EXOC6B: variants seen among roughly 807,000 people sequenced by gnomAD.
The protein encoded by EXOC6B is SEC15 homolog B.
In EXOC6B, 54 loss-of-function variants were observed where a neutral mutation model predicts 113.5. The ratio of observed to expected loss-of-function variants is 0.48; its 90% confidence interval spans 0.38 to 0.60. The LOEUF (loss-of-function observed/expected upper bound fraction) is 0.60. Ranked by LOEUF, EXOC6B falls within the 20% of genes least tolerant of loss-of-function variation. The pLI, the probability that EXOC6B is intolerant of heterozygous loss-of-function variation, is 0.00. For synonymous variants in EXOC6B, 357 were observed against 339.0 expected (o/e 1.05, Z -0.58); for missense variants, 797 against 977.5 (o/e 0.82, Z 2.46).
At chr2:72,541,606 T>C (rs1357438416) in intron 8 of EXOC6B, among the ~76,000 whole-genome samples, 1 of 152,232 alleles carries the variant, frequency 6.6e-6, no homozygotes, top group Non-Finnish European at 1.5e-5. Context: ...TTTTCTTGCT[T>C]ATCTGTGGAT....
rs949212851 is a variant in EXOC6B, at chr2:72,432,181, C to A, written c.1980+32979G>T. Among the ~76,000 whole-genome samples, 3 of 152,056 alleles carry A rather than the reference C, an allele frequency of 2.0e-5. No individual in the cohort carries two copies. The South Asian group carries it at 6.2e-4, about 32-fold the overall frequency. ...CCTCCCAAGTAGCTGGGACTACAGG[C>A]ACACACCACCATATCTGGCTAATTT... On this transcript the variant is annotated intron_variant, in intron 18 of 21. Transcript: ENST00000272427.
At position 72,400,746 on chromosome 2, in the gene EXOC6B, T is replaced by C. The variant is rs988303216; in HGVS notation, c.1981-20876A>G. ...AAATTAAAACCACGATGACATACCATCTTATACCAGTCAAAATAACTATTA... is the reference window on the plus strand; with the variant it reads ...AAATTAAAACCACGATGACATACCACCTTATACCAGTCAAAATAACTATTA... On this transcript the variant is annotated intron_variant, in intron 18 of 21. Coordinates refer to ENST00000272427, the MANE Select transcript of EXOC6B (RefSeq NM_015189.3). Among the ~76,000 whole-genome samples the C allele has an allele frequency of 3.3e-5, 5 of 149,954 alleles. No homozygotes were observed. The East Asian group carries it at 7.7e-4, about 23-fold the overall frequency.
At chr2:72,435,721 T>G (rs1236529486) in intron 18 of EXOC6B, among the ~76,000 whole-genome samples, 2 of 145,442 alleles carry the variant, frequency 1.4e-5, no homozygotes, top group African/African-American at 2.7e-5. Flanking sequence ...CTGCTTTTTT[T>G]TTGTTTTTTT....
intron 18 of EXOC6B, among the ~76,000 whole-genome samples, chr2:72,399,217 T>C (rs1413148863): frequency 6.6e-6 from 1 of 151,994 alleles, no homozygotes; most frequent in Admixed American, 6.6e-5. Flanking sequence ...CCCTTCATGA[T>C]AAAAAACATT....
chr2:72,294,503 C>A (rs553526658), intron 20 of EXOC6B, among the ~76,000 whole-genome samples: 1 of 151,954 alleles, frequency 6.6e-6, no homozygotes, highest in African/African-American at 2.4e-5. Context: ...GCCCAGGCTG[C>A]GTTTTATTTT....
intron 7 of EXOC6B, 49 bp downstream of exon 7, chr2:72,575,443 T>G: frequency 6.5e-7 from 1 of 1,545,116 alleles, no homozygotes; most frequent in African/African-American, 1.4e-5. Context: ...TCAACCATAC[T>G]ATTTAAGCTT....
intron 6 of EXOC6B, among the ~76,000 whole-genome samples, chr2:72,644,062 G>A (rs905730754): frequency 2.6e-5 from 4 of 152,066 alleles, no homozygotes; most frequent in Admixed American, 6.5e-5. Context: ...AAGGTTAGAC[G>A]AATGGCTAAC....
rs1267766375 is a variant in EXOC6B at position 72,559,500 on chromosome 2, C to T, written c.868G>A (p.Val290Met). ...DEEVPGAQDL[V>M]DFSPVYRCLH... ...CATCGATAAACTGGAGAGAAATCCACCAAATCTTGGGCCCCAGGTACCTGC... is the reference window on the plus strand; with the variant it reads ...CATCGATAAACTGGAGAGAAATCCATCAAATCTTGGGCCCCAGGTACCTGC... The change falls in exon 8 of 22, where the codon GTG (valine) becomes ATG (methionine). Residue 290 changes from valine to methionine, a missense_variant. Physicochemically the swap from Val to Met is conservative, Grantham distance 21 (BLOSUM62 1). Coordinates refer to ENST00000272427, the MANE Select transcript of EXOC6B (RefSeq NM_015189.3). The T allele has an allele frequency of 6.2e-7, 1 of 1,612,710 alleles. No homozygotes were observed. The highest frequency in any genetic ancestry group is 8.5e-7 in the Non-Finnish European group (1 of 1,179,406).
intron 1 of EXOC6B, among the ~76,000 whole-genome samples, chr2:72,757,049 T>A (rs1292720643): frequency 2.0e-5 from 3 of 152,220 alleles, no homozygotes; most frequent in African/African-American, 7.2e-5. Flanking sequence ...ATTTCTGTAT[T>A]ACTTTATCTA....
chr2:72,564,299 C>T (rs1312016493), intron 7 of EXOC6B, among the ~76,000 whole-genome samples: 2 of 152,150 alleles, frequency 1.3e-5, no homozygotes, highest in East Asian at 1.9e-4. Context: ...TACACCTACA[C>T]GGCATTTATT....
chr2:72,591,906 A>C (rs1454653879), intron 6 of EXOC6B, among the ~76,000 whole-genome samples: 1 of 152,132 alleles, frequency 6.6e-6, no homozygotes, highest in Admixed American at 6.6e-5. Flanking sequence ...TAAGAAATTT[A>C]TACAACATAA....
intron 16 of EXOC6B, among the ~76,000 whole-genome samples, chr2:72,489,259 T>C (rs1001309269): frequency 3.3e-5 from 5 of 152,218 alleles, no homozygotes; most frequent in Admixed American, 2.6e-4. Context: ...TATCTGTTTT[T>C]CTCTGGTAGA....
chr2:72,235,845 T>C (rs560307771), intron 20 of EXOC6B, among the ~76,000 whole-genome samples: 16 of 152,310 alleles, frequency 1.1e-4, no homozygotes, highest in Non-Finnish European at 1.9e-4. Flanking sequence ...CTATTTGTAC[T>C]GCTTTTTTGG....
chr2:72,534,905 T>C (rs1702197293), intron 8 of EXOC6B, among the ~76,000 whole-genome samples: 1 of 152,202 alleles, frequency 6.6e-6, no homozygotes, highest in South Asian at 2.1e-4. Context: ...TGGTTTCTTT[T>C]TTCCAGGAAT....
intron 8 of EXOC6B, among the ~76,000 whole-genome samples, chr2:72,556,238 A>G (rs1021740729): frequency 6.6e-6 from 1 of 152,238 alleles, no homozygotes; most frequent in South Asian, 2.1e-4. Flanking sequence ...AAGCTCTAGA[A>G]GAGCTATGCC....
chr2:72,639,120 T>C (rs1673053697), intron 6 of EXOC6B, among the ~76,000 whole-genome samples: 1 of 152,114 alleles, frequency 6.6e-6, no homozygotes, highest in South Asian at 2.1e-4. Context: ...CCACATTGCT[T>C]TGCTGGTGGT....
chr2:72,531,024 G>T (rs796223588), intron 8 of EXOC6B, among the ~76,000 whole-genome samples: 3 of 151,754 alleles, frequency 2.0e-5, no homozygotes, highest in African/African-American at 7.3e-5. Flanking sequence ...ATCAATATCT[G>T]CCTTTTTATT....
chr2:72,186,063 A>C (rs1678412552), intron 20 of EXOC6B, among the ~76,000 whole-genome samples: 1 of 152,142 alleles, frequency 6.6e-6, no homozygotes, highest in Non-Finnish European at 1.5e-5. Context: ...TGTCCTTACA[A>C]AGTACATGAA....
chr2:72,561,995 C>A (rs1327447981), intron 7 of EXOC6B, among the ~76,000 whole-genome samples: 3 of 152,102 alleles, frequency 2.0e-5, no homozygotes, highest in African/African-American at 7.2e-5. Flanking sequence ...CGTTCACAAC[C>A]TTTACCTCTA....
Sources: allele counts gnomAD v4.1 joint callset (sites outside exome capture counted in the v4.1 genomes callset), GRCh38; gene constraint gnomAD v4.1.1; transcripts MANE v1.5; gene names NCBI Gene and HGNC (gene_info 2026-07-23, HGNC 2026-07-21).